ZHX2: variants seen among roughly 807,000 people sequenced by gnomAD.
The protein encoded by ZHX2 is zinc fingers and homeoboxes protein 2.
Under a neutral mutation model 21.9 loss-of-function variants are expected in ZHX2, and 6 were observed. The ratio of observed to expected loss-of-function variants is 0.27; its 90% confidence interval spans 0.15 to 0.54. ZHX2 has a LOEUF of 0.54. Among genes scored for constraint, ZHX2 ranks in the 20% least tolerant of loss-of-function variants. The pLI is 0.95. For missense variants in ZHX2, 908 were observed against 1,090.7 expected (o/e 0.83, Z 2.36); for synonymous variants, 434 against 437.1 (o/e 0.99, Z 0.09).
At chr8:122,829,949 T>C (rs903000330) in intron 1 of ZHX2, among the ~76,000 whole-genome samples, 2 of 152,154 alleles carry the variant, frequency 1.3e-5, no homozygotes, top group Non-Finnish European at 2.9e-5. Context: ...ATGTGCCACA[T>C]TGAGGGACGG....
chr8:122,890,819 C>T (rs1017887992), intron 2 of ZHX2, among the ~76,000 whole-genome samples: 1 of 152,098 alleles, frequency 6.6e-6, no homozygotes, highest in South Asian at 2.1e-4. Context: ...CATCCTTCAA[C>T]TTTACTAAAT....
chr8:122,800,953 G>A (rs1269853074), intron 1 of ZHX2, among the ~76,000 whole-genome samples: 1 of 152,248 alleles, frequency 6.6e-6, no homozygotes, highest in African/African-American at 2.4e-5. Context: ...ACACAGCACA[G>A]CTCAAAAGTT....
At chr8:122,875,868 C>T (rs1323952654) in intron 2 of ZHX2, among the ~76,000 whole-genome samples, 1 of 152,226 alleles carries the variant, frequency 6.6e-6, no homozygotes, top group Admixed American at 6.5e-5. Context: ...TCTTTGCCTT[C>T]CCTTGTTTTC....
intron 2 of ZHX2, among the ~76,000 whole-genome samples, chr8:122,883,654 A>T (rs1819768217): frequency 6.6e-6 from 1 of 152,254 alleles, no homozygotes; most frequent in Admixed American, 6.5e-5. Flanking sequence ...GCAGTAGCAT[A>T]GTTTTACATG....
chr8:122,830,272 G>A (rs115574935), intron 1 of ZHX2, among the ~76,000 whole-genome samples: 1 of 152,180 alleles, frequency 6.6e-6, no homozygotes, highest in Admixed American at 6.5e-5. Context: ...CAGATGGCCT[G>A]TTTCTTGATC....
intron 2 of ZHX2, among the ~76,000 whole-genome samples, chr8:122,881,137 T>C (rs967582312): frequency 7.5e-6 from 1 of 132,942 alleles, no homozygotes; most frequent in Non-Finnish European, 1.5e-5. Context: ...TGAGCGTGGC[T>C]GCAGGATCCG....
At chr8:122,956,183 C>G (rs535597198) in intron 3 of ZHX2, among the ~76,000 whole-genome samples, 5 of 152,212 alleles carry the variant, frequency 3.3e-5, no homozygotes, top group African/African-American at 1.2e-4. Context: ...ATCCATGACA[C>G]GTGTCTACAT....
chr8:122,863,144 TCTGA>T (rs1819207228), intron 1 of ZHX2, among the ~76,000 whole-genome samples: 1 of 152,112 alleles, frequency 6.6e-6, no homozygotes, highest in Non-Finnish European at 1.5e-5. Flanking sequence ...TCAAGGGGAC[TCTGA>T]CTGAGGTTAA....
intron 1 of ZHX2, among the ~76,000 whole-genome samples, chr8:122,843,517 G>GT (rs1818684072): frequency 6.6e-6 from 1 of 152,202 alleles, no homozygotes; most frequent in South Asian, 2.1e-4. Flanking sequence ...GGCCCCCACC[G>GT]TGAGACAGCA....
At chr8:122,873,534 G>T (rs970571290) in intron 2 of ZHX2, among the ~76,000 whole-genome samples, 11 of 152,206 alleles carry the variant, frequency 7.2e-5, no homozygotes, top group African/African-American at 1.9e-4. Flanking sequence ...GCAGAGAAGG[G>T]CCCCTCGTCC....
At chr8:122,931,095 C>T (rs1196298533) in intron 2 of ZHX2, among the ~76,000 whole-genome samples, 1 of 152,168 alleles carries the variant, frequency 6.6e-6, no homozygotes, top group South Asian at 2.1e-4. Context: ...GCCTTGATAC[C>T]TCTCTGATCC....
intron 3 of ZHX2, among the ~76,000 whole-genome samples, chr8:122,960,851 G>T (rs1813425768): frequency 6.6e-6 from 1 of 152,168 alleles, no homozygotes; most frequent in African/African-American, 2.4e-5. Flanking sequence ...TAACCCTAGA[G>T]AAAGTTTGAT....
intron 1 of ZHX2, among the ~76,000 whole-genome samples, chr8:122,845,633 A>G (rs1321864195): frequency 6.6e-6 from 1 of 152,250 alleles, no homozygotes; most frequent in African/African-American, 2.4e-5. Flanking sequence ...GTGTGAACAC[A>G]AAAGCCCAAT....
intron 1 of ZHX2, among the ~76,000 whole-genome samples, chr8:122,860,159 A>C (rs1819128019): frequency 1.3e-5 from 2 of 152,202 alleles, no homozygotes; most frequent in African/African-American, 4.8e-5. Flanking sequence ...CAGTGAGCGA[A>C]GGGGGAAGAG....
At chr8:122,868,332 A>C (rs1192457490) in intron 2 of ZHX2, among the ~76,000 whole-genome samples, 2 of 152,156 alleles carry the variant, frequency 1.3e-5, no homozygotes, top group East Asian at 3.8e-4. Flanking sequence ...TTCAGGAGAA[A>C]GATTAAGTTA....
At chr8:122,874,974 C>T (rs1819528015) in intron 2 of ZHX2, among the ~76,000 whole-genome samples, 1 of 151,682 alleles carries the variant, frequency 6.6e-6, no homozygotes, top group Non-Finnish European at 1.5e-5. Context: ...CCTCTGTATG[C>T]CTCCCTTTCC....
chr8:122,926,900 G>A (rs1429885132), intron 2 of ZHX2, among the ~76,000 whole-genome samples: 1 of 152,092 alleles, frequency 6.6e-6, no homozygotes, highest in Non-Finnish European at 1.5e-5. Flanking sequence ...ATGACACTGA[G>A]GATGGCGTTT....
At chr8:122,935,729 G>C (rs1031641341) in intron 2 of ZHX2, among the ~76,000 whole-genome samples, 1 of 151,970 alleles carries the variant, frequency 6.6e-6, no homozygotes, top group Non-Finnish European at 1.5e-5. Flanking sequence ...TAGAGACGGG[G>C]TTTCACCATG....
At chr8:122,835,824 G>A (rs554007877) in intron 1 of ZHX2, among the ~76,000 whole-genome samples, 2 of 152,318 alleles carry the variant, frequency 1.3e-5, no homozygotes, top group Admixed American at 1.3e-4. Flanking sequence ...AGCAATAATT[G>A]CTTAAGTCAG....
Sources: gnomAD v4.1 joint callset for allele counts (sites outside exome capture counted in the v4.1 genomes callset) on GRCh38, gnomAD v4.1.1 for gene constraint, MANE v1.5 for transcripts, NCBI Gene and HGNC (gene_info 2026-07-23, HGNC 2026-07-21) for gene names.